ANK3: variants seen among roughly 807,000 people sequenced by gnomAD.
ANK3 encodes the protein ankyrin 3.
Under a neutral mutation model 370.9 loss-of-function variants are expected in ANK3, and 57 were observed. The ratio of observed to expected loss-of-function variants is 0.15; its 90% CI spans 0.12 to 0.19. The LOEUF (loss-of-function observed/expected upper bound fraction) is 0.19, where lower values mean the gene tolerates loss of function less well. Ranked by LOEUF, ANK3 falls within the 10% of genes least tolerant of loss-of-function variation. ANK3 has a pLI of 1.00. For missense variants in ANK3, 4,439 were observed against 5,302.1 expected (o/e 0.84, Z 5.06); for synonymous variants, 1,929 against 1,946.3 (o/e 0.99, Z 0.23).
Position 60,234,760 on chromosome 10 carries a change from T to A in ANK3, c.825A>T (p.Ala275=). The A allele has an allele frequency of 1.9e-6, 3 of 1,612,692 alleles. No individual in the cohort carries two copies. The highest frequency in any genetic ancestry group is 2.5e-6 in the Non-Finnish European group (3 of 1,178,842). The part of the protein sequence containing the change: ...ARNDITPLHV[A]SKRGNANMVK... Reference sequence around the variant, plus strand: ...CCATATTTGCATTTCCTCTTTTTGATGCAACATGTAAAGGAGTGATGTCAT... The same window carrying A: ...CCATATTTGCATTTCCTCTTTTTGAAGCAACATGTAAAGGAGTGATGTCAT... Residue 275 remains alanine (A), a synonymous_variant, in exon 8 of 44, where the codon GCA becomes GCT. Transcript: ENST00000280772.
chr10:60,179,783 T>A (rs1207332027), intron 18 of ANK3, among the ~76,000 whole-genome samples: 1 of 151,874 alleles, frequency 6.6e-6, no homozygotes, highest in Non-Finnish European at 1.5e-5. Flanking sequence ...AGGGGCTGTG[T>A]GTGCAAATGG....
rs182227338 is a variant in ANK3 at position 60,581,600 on chromosome 10, T to A, written c.96+33586A>T. ...CCACCATGCCTGGCTAATTATTATT[T>A]TTTTTTTTTTGTAGTTTTTAGTAGA... On this transcript the variant is annotated intron_variant, in intron 2 of 43. Transcript: ENST00000373827. Among the ~76,000 whole-genome samples, 1,016 of 151,582 alleles carry A rather than the reference T, an allele frequency of 6.7e-3. 10 individuals carry two copies. Among genetic ancestry groups the A allele is most frequent in the African/African-American group, 0.019 (765 of 41,342 alleles).
intron 8 of ANK3, among the ~76,000 whole-genome samples, chr10:60,231,394 C>A (rs2097242201): frequency 6.6e-6 from 1 of 152,186 alleles, no homozygotes; most frequent in South Asian, 2.1e-4. Flanking sequence ...TCCAGTGATG[C>A]TTTCCTGCCT....
chr10:60,387,267 C>T lies in ANK3; in HGVS notation c.114+2158G>A, dbSNP rs145349594. Among the ~76,000 whole-genome samples the T allele has an allele frequency of 5.1e-4, 77 of 152,190 alleles. No individual in the cohort carries two copies. The East Asian group carries it at 0.012, about 24-fold the overall frequency. ...GCAGCATTTTTTATTGACATGAGGT[C>T]TACAACATGGAACGAAGTAGCCCAT... is the stretch of plus-strand genomic sequence containing the variant. On this transcript the variant is annotated intron_variant, in intron 1 of 43. Coordinates refer to ENST00000280772, the MANE Select transcript of ANK3 (RefSeq NM_020987.5).
intron 4 of ANK3, among the ~76,000 whole-genome samples, chr10:60,278,482 C>T (rs1001778190): frequency 6.6e-6 from 1 of 152,102 alleles, no homozygotes; most frequent in African/African-American, 2.4e-5. Context: ...ACAAGTGACT[C>T]TCGTGCCTCA....
At chr10:60,450,514 G>A (rs755741145) in intron 2 of ANK3, among the ~76,000 whole-genome samples, 13 of 152,144 alleles carry the variant, frequency 8.5e-5, no homozygotes, top group Non-Finnish European at 1.3e-4. Flanking sequence ...AGCCAAAGAA[G>A]TGGGTTAGCA....
intron 2 of ANK3, among the ~76,000 whole-genome samples, chr10:60,613,906 TC>T (rs561713909): frequency 6.6e-6 from 1 of 152,150 alleles, no homozygotes; most frequent in South Asian, 2.1e-4. Context: ...AAACCCCATC[TC>T]TATGAAAAAT....
At chr10:60,539,328 T>G (rs543948756) in intron 2 of ANK3, among the ~76,000 whole-genome samples, 1 of 152,050 alleles carries the variant, frequency 6.6e-6, no homozygotes, top group South Asian at 2.1e-4. Context: ...TTGTTGTACC[T>G]TATGAAGAAA....
chr10:60,471,767 G>A (rs2065225556), intron 2 of ANK3, among the ~76,000 whole-genome samples: 1 of 151,884 alleles, frequency 6.6e-6, no homozygotes, highest in Non-Finnish European at 1.5e-5. Context: ...CCCAAGGCCT[G>A]ACAACAAAAT....
chr10:60,628,865 C>T (rs530870016), intron 1 of ANK3, among the ~76,000 whole-genome samples: 267 of 152,296 alleles, frequency 1.8e-3, no homozygotes, highest in Non-Finnish European at 3.1e-3. Context: ...ATTGACATGA[C>T]ATGCCTAACA....
At position 60,026,841 on chromosome 10, in the gene ANK3, A is replaced by T. The variant is rs1202289333; in HGVS notation, c.*3005T>A. ...AGTAAGAATATAAAATGAAAAAAACAGCAAATATCCAGAACTTCTCAATCA... is the reference window on the plus strand; with the variant it reads ...AGTAAGAATATAAAATGAAAAAAACTGCAAATATCCAGAACTTCTCAATCA... On this transcript the variant is annotated 3_prime_UTR_variant, in exon 44 of 44. Coordinates refer to ENST00000280772, the MANE Select transcript of ANK3 (RefSeq NM_020987.5). 1.3e-5 allele frequency: 2 copies of T among 152,248 alleles called. No homozygotes were observed. The highest frequency in any genetic ancestry group is 4.8e-5 in the African/African-American group (2 of 41,474). The allele number at this position is 152,248 out of a possible 1,614,324, so 9.4% of individuals were successfully genotyped here. A position where few individuals can be genotyped will look rare whatever the true frequency, so the allele number is the denominator to read the frequency against.
In ANK3 at chr10:60,213,505, AC is replaced by A; in HGVS notation, c.902del (p.Gly301ValfsTer2). ...GAKIDAKTRDGLTPLHCGARS... is the reference protein window; with the variant it reads ...GAKIDAKTRDXLTPLHCGARS... ...TTGCTCCACAGTGCAGTGGTGTCAG[AC>A]CATCCTGTTGAACAAAGGAAACATC... On this transcript the variant is annotated frameshift_variant, in exon 9 of 44. Coordinates refer to ENST00000280772, the MANE Select transcript of ANK3 (RefSeq NM_020987.5). LOFTEE classifies it high-confidence loss of function. The A allele has an allele frequency of 6.3e-7, 1 of 1,598,418 alleles. No homozygotes were observed. Among genetic ancestry groups the A allele is most frequent in the Non-Finnish European group, 8.5e-7 (1 of 1,170,010 alleles).
intron 1 of ANK3, among the ~76,000 whole-genome samples, chr10:60,309,113 A>G (rs541243601): frequency 3.9e-4 from 59 of 152,356 alleles, no homozygotes; most frequent in African/African-American, 1.3e-3. Flanking sequence ...TAATGCCTTC[A>G]GGACTTCATA....
intron 1 of ANK3, among the ~76,000 whole-genome samples, chr10:60,361,372 A>G (rs1268620466): frequency 3.9e-5 from 6 of 152,224 alleles, no homozygotes; most frequent in African/African-American, 1.2e-4. Flanking sequence ...GTCCTTTGAT[A>G]CACTAGAATT....
chr10:60,226,892 T>C lies in ANK3; in HGVS notation c.897+7796A>G, dbSNP rs183436995. 2.5e-3 allele frequency among the ~76,000 whole-genome samples: 373 copies of C among 151,138 alleles called. 2 individuals are homozygous for C. The highest frequency in any genetic ancestry group is 0.01 in the Middle Eastern group (3 of 292). ...TTTTATTTCTACATACTATTACATA[T>C]CATAGACCTCACAATAGATTGATAT... On this transcript the variant is annotated intron_variant, in intron 8 of 43. Transcript: ENST00000280772.
At chr10:60,593,804 CT>C (rs1168810568) in intron 2 of ANK3, among the ~76,000 whole-genome samples, 2 of 152,030 alleles carry the variant, frequency 1.3e-5, no homozygotes, top group African/African-American at 4.8e-5. Context: ...AATTTTTCTG[CT>C]GACAAAAAAA....
intron 7 of ANK3, among the ~76,000 whole-genome samples, chr10:60,238,425 CAG>C (rs2097367496): frequency 6.6e-6 from 1 of 152,086 alleles, no homozygotes. Flanking sequence ...ACATACAGGG[CAG>C]AGTTTGGCTG....
At chr10:60,267,257 A>C (rs961570950) in intron 5 of ANK3, among the ~76,000 whole-genome samples, 1 of 151,762 alleles carries the variant, frequency 6.6e-6, no homozygotes, top group African/African-American at 2.4e-5. Context: ...TATTATTGCT[A>C]ATGAGAGAGC....
At position 60,072,319 on chromosome 10, in the gene ANK3, T is replaced by C. The variant is rs762063080; in HGVS notation, c.8562A>G (p.Thr2854=). Residue 2854 remains threonine, a synonymous_variant, in exon 37 of 44, where the codon ACA becomes ACG. Coordinates refer to ENST00000280772, the MANE Select transcript of ANK3 (RefSeq NM_020987.5). The part of the protein sequence containing the change: ...RGPWDKKVFR[T]WESSGATNNK... ...TGTTAGTGGCTCCCGAACTCTCCCA[T>C]GTTCTAAAGACCTTTTTGTCCCATG... is the stretch of plus-strand genomic sequence containing the variant. The C allele has an allele frequency of 2.2e-4, 354 of 1,613,990 alleles. No homozygotes were observed. Among genetic ancestry groups the C allele is most frequent in the Non-Finnish European group, 3.0e-4 (349 of 1,180,008 alleles).
Sources: allele counts gnomAD v4.1 joint callset (sites outside exome capture counted in the v4.1 genomes callset), GRCh38; gene constraint gnomAD v4.1.1; transcripts MANE v1.5; gene names NCBI Gene and HGNC (gene_info 2026-07-23, HGNC 2026-07-21).